Variants in CSMD3 observed in about 807,000 individuals in gnomAD.
CSMD3 encodes CUB and Sushi multiple domains 3.
In CSMD3, 177 loss-of-function variants were observed where a neutral mutation model predicts 435.2. The observed-to-expected ratio is 0.41, with a 90% CI of 0.36 to 0.46. CSMD3 has a LOEUF of 0.46. Ranked by LOEUF, CSMD3 falls within the 20% of genes least tolerant of loss-of-function variation. CSMD3 has a pLI of 0.34. For missense variants in CSMD3, 4,265 were observed against 4,504.6 expected (o/e 0.95, Z 1.52); for synonymous variants, 1,656 against 1,520.5 (o/e 1.09, Z -2.07).
intron 1 of CSMD3, among the ~76,000 whole-genome samples, chr8:113,327,014 G>A (rs2093988793): frequency 6.6e-6 from 1 of 152,196 alleles, no homozygotes; most frequent in South Asian, 2.1e-4. Flanking sequence ...AATGAATTAT[G>A]TCAAACATAA....
chr8:113,184,263 C>T (rs963726023), intron 3 of CSMD3, among the ~76,000 whole-genome samples: 2 of 151,990 alleles, frequency 1.3e-5, no homozygotes, highest in African/African-American at 4.8e-5. Flanking sequence ...TATCTGGAAG[C>T]ACTTCATGCC....
chr8:112,430,612 A>G (rs1813558428), intron 32 of CSMD3, among the ~76,000 whole-genome samples: 1 of 152,032 alleles, frequency 6.6e-6, no homozygotes. Flanking sequence ...CAATTCATAA[A>G]AGAACACTTA....
intron 13 of CSMD3, among the ~76,000 whole-genome samples, chr8:112,771,633 C>T (rs2078117659): frequency 6.6e-6 from 1 of 152,128 alleles, no homozygotes; most frequent in South Asian, 2.1e-4. Flanking sequence ...GAGTGCTACT[C>T]TTTCTCTATA....
chr8:112,756,491 G>A (rs1240181410), intron 13 of CSMD3, among the ~76,000 whole-genome samples: 1 of 152,146 alleles, frequency 6.6e-6, no homozygotes, highest in African/African-American at 2.4e-5. Context: ...TGATATATGA[G>A]CCCTTTCACT....
At chr8:112,268,057 A>G (rs1817118361) in intron 59 of CSMD3, among the ~76,000 whole-genome samples, 1 of 152,206 alleles carries the variant, frequency 6.6e-6, no homozygotes, top group South Asian at 2.1e-4. Flanking sequence ...CCATTGCATA[A>G]TAAGAAGATC....
At chr8:113,326,924 G>A (rs866755146) in intron 1 of CSMD3, among the ~76,000 whole-genome samples, 18 of 151,966 alleles carry the variant, frequency 1.2e-4, no homozygotes, top group Admixed American at 6.6e-4. Context: ...TGGCATTAAC[G>A]GTAGAAATAC....
chr8:113,109,407 C>T (rs2090571992), intron 4 of CSMD3, among the ~76,000 whole-genome samples: 1 of 152,082 alleles, frequency 6.6e-6, no homozygotes, highest in African/African-American at 2.4e-5. Context: ...TGACTGTGAA[C>T]CTCTGAAATC....
chr8:113,095,313 C>T (rs2090130660), intron 5 of CSMD3, among the ~76,000 whole-genome samples: 1 of 152,076 alleles, frequency 6.6e-6, no homozygotes, highest in Non-Finnish European at 1.5e-5. Flanking sequence ...TCTTCCCTTG[C>T]TCCTACTTTC....
chr8:113,304,797 G>A (rs1027379923), intron 2 of CSMD3, among the ~76,000 whole-genome samples: 39 of 139,824 alleles, frequency 2.8e-4, no homozygotes, highest in Admixed American at 5.8e-4. Flanking sequence ...ATAGCATTGG[G>A]AGATGTACCT....
chr8:112,830,038 T>C (rs2079823133), intron 11 of CSMD3, among the ~76,000 whole-genome samples: 1 of 152,176 alleles, frequency 6.6e-6, no homozygotes, highest in South Asian at 2.1e-4. Context: ...ACTTGCTGTA[T>C]TGTATTTTCT....
At chr8:112,881,856 G>A (rs1424311293) in intron 10 of CSMD3, among the ~76,000 whole-genome samples, 2 of 151,900 alleles carry the variant, frequency 1.3e-5, no homozygotes, top group Admixed American at 6.6e-5. Context: ...CCTAGGATAT[G>A]AGAAACACTT....
chr8:112,717,962 T>A (rs1042096001), intron 13 of CSMD3, among the ~76,000 whole-genome samples: 3 of 151,908 alleles, frequency 2.0e-5, no homozygotes, highest in African/African-American at 4.8e-5. Context: ...ACCTTATGCA[T>A]GTAGGGCTTA....
chr8:112,497,752 A>G (rs73328674), intron 30 of CSMD3, among the ~76,000 whole-genome samples: 1 of 152,194 alleles, frequency 6.6e-6, no homozygotes, highest in African/African-American at 2.4e-5. Flanking sequence ...CATCATTACA[A>G]GCATTGTTAG....
chr8:113,191,235 G>A (rs2092580504), intron 3 of CSMD3, among the ~76,000 whole-genome samples: 1 of 151,730 alleles, frequency 6.6e-6, no homozygotes, highest in South Asian at 2.1e-4. Flanking sequence ...TATGGGTATA[G>A]AAATGTTTTT....
At chr8:113,377,361 T>C (rs2094392537) in intron 1 of CSMD3, 1 of 177,952 alleles carries the variant, frequency 5.6e-6, no homozygotes, top group Admixed American at 5.5e-5. Context: ...TATTTCAGTA[T>C]ACACATGAAG....
chr8:113,321,302 G>T (rs1367624073), intron 1 of CSMD3, among the ~76,000 whole-genome samples: 5 of 151,618 alleles, frequency 3.3e-5, no homozygotes, highest in African/African-American at 7.3e-5. Flanking sequence ...TTATATTGCT[G>T]AGCCATATTC....
rs140145232 is a variant in CSMD3 at position 112,650,339 on chromosome 8, C to T, written c.3015G>A (p.Val1005=). ...GFKIHYESVT[V]NTYSCLDPGI... ...CAGGGTCCAAACAAGAATACGTGTT[C>T]ACTGTAACACCTGGAAAACAAAGGG... Residue 1005 remains valine, a synonymous_variant, in exon 19 of 71, where the codon GTG becomes GTA. Transcript: ENST00000297405. 2,728 of 1,613,108 alleles carry T rather than the reference C, an allele frequency of 1.7e-3. 11 individuals are homozygous for T. Among genetic ancestry groups the T allele is most frequent in the Middle Eastern group, 1.6e-3 (10 of 6,062 alleles).
At chr8:112,977,496 G>A (rs1336186112) in intron 6 of CSMD3, among the ~76,000 whole-genome samples, 1 of 151,986 alleles carries the variant, frequency 6.6e-6, no homozygotes, top group Admixed American at 6.6e-5. Flanking sequence ...GCTGTAGACA[G>A]GTGATTAGTA....
intron 36 of CSMD3, among the ~76,000 whole-genome samples, chr8:112,384,351 A>T (rs1422328064): frequency 6.6e-6 from 1 of 152,212 alleles, no homozygotes; most frequent in Admixed American, 6.5e-5. Context: ...TTGAGAAGGA[A>T]AATACTGGGG....
Sources: gnomAD v4.1 joint callset for allele counts (sites outside exome capture counted in the v4.1 genomes callset) on GRCh38, gnomAD v4.1.1 for gene constraint, MANE v1.5 for transcripts, NCBI Gene and HGNC (gene_info 2026-07-23, HGNC 2026-07-21) for gene names.